Variants in THAP3 observed in about 807,000 individuals in gnomAD.
THAP3 encodes THAP domain-containing protein 3.
A neutral mutation model predicts 17.7 loss-of-function variants in THAP3; 12 were observed. The ratio of observed to expected loss-of-function variants is 0.68; its 90% CI spans 0.43 to 1.10. THAP3 has a LOEUF of 1.10. Among genes scored for constraint, THAP3 ranks in the 50% least tolerant of loss-of-function variants. THAP3 has a pLI of 0.00. For synonymous variants in THAP3, 133 were observed against 126.9 expected, an observed-to-expected ratio of 1.05 and a Z score of -0.32; for missense variants, 289 against 318.0, an observed-to-expected ratio of 0.91 and a Z score of 0.69.
At chr1:6,634,665 C>T (rs1162997801), downstream of THAP3, 1 of 1,366,422 alleles carries the variant, frequency 7.3e-7, no homozygotes, top group Non-Finnish European at 9.8e-7. Flanking sequence ...CCTAGCTCCG[C>T]TGCATTCTGC....
At chr1:6,633,574 C>CCAT (rs918820087), downstream of THAP3, 53 of 1,050,120 alleles carry the variant, frequency 5.0e-5, no homozygotes, top group South Asian at 2.7e-4. Context: ...GGTGTCGCTC[C>CCAT]CATCATCATT....
rs1162469893 is a variant in THAP3, at chr1:6,624,919, C to A, written c.-105C>A. 5 of 437,350 alleles carry A rather than the reference C, an allele frequency of 1.1e-5. No homozygotes were observed. The highest frequency in any genetic ancestry group is 1.6e-5 in the Non-Finnish European group (4 of 242,822). 27.1% of individuals were successfully genotyped at this position (437,350 alleles called of 1,614,324 possible). A position where few individuals can be genotyped will look rare whatever the true frequency, so the allele number is the denominator to read the frequency against. ...ATGCGTCCTGGTTGGGTGCTCAAAG[C>A]AAGGAGGTGAAAGGCGACCAGCATT... On this transcript the variant is annotated 5_prime_UTR_variant, in exon 1 of 6. Transcript: ENST00000054650.
chr1:6,634,173 T>C, downstream of THAP3: 3 of 1,312,774 alleles, frequency 2.3e-6, no homozygotes, highest in Non-Finnish European at 2.2e-6. Context: ...CAGCCTCTGC[T>C]TTCAGGAAAG....
chr1:6,629,445 C>T (rs1374009885), intron 3 of THAP3, among the ~76,000 whole-genome samples: 4 of 152,222 alleles, frequency 2.6e-5, no homozygotes, highest in Admixed American at 2.6e-4. Flanking sequence ...CTGTCCTCCC[C>T]AGCACCCTTC....
chr1:6,634,148 T>C, downstream of THAP3: 1 of 1,441,014 alleles, frequency 6.9e-7, no homozygotes, highest in Non-Finnish European at 9.7e-7. Context: ...GAACACACAA[T>C]ACACGGAAGA....
At chr1:6,625,432 A>T in intron 2 of THAP3, 140 bp downstream of exon 2, 1 of 563,412 alleles carries the variant, frequency 1.8e-6, no homozygotes, top group Admixed American at 5.3e-5. Flanking sequence ...CTGGGCCCAG[A>T]GGGGCTGGCG....
rs527839453 is a variant in THAP3, at chr1:6,632,839, C to T, written c.482C>T (p.Pro161Leu). The T allele has an allele frequency of 5.3e-5, 85 of 1,612,938 alleles. 1 individual carries two copies. Among genetic ancestry groups the T allele is most frequent in the South Asian group, 1.2e-4 (11 of 91,086 alleles). ...RPQATEAVGRPTGPAGLRRTP... is the reference protein window; with the variant it reads ...RPQATEAVGRLTGPAGLRRTP... ...CAAGCAACAGAGGCTGTTGGCCGGC[C>T]GACTGGCCCTGCAGGCCTGAGAAGG... The change falls in exon 6 of 6, where the codon CCG (proline) becomes CTG (leucine). Residue 161 changes from proline to leucine, a missense_variant. By Grantham distance (98) the Pro-to-Leu change is moderately conservative (BLOSUM62 -3). Transcript: ENST00000054650.
Position 6,632,971 on chromosome 1 carries a change from G to T in THAP3, c.614G>T (p.Arg205Leu), listed in dbSNP as rs753824698. The T allele has an allele frequency of 6.2e-7, 1 of 1,612,936 alleles. No homozygotes were observed. The highest frequency in any genetic ancestry group is 8.5e-7 in the Non-Finnish European group (1 of 1,179,894). The change falls in exon 6 of 6, where the codon CGC becomes CTC. Residue 205 changes from arginine to leucine, a missense_variant. Transcript: ENST00000054650. ...AAGGAAAATGAAAAGCTCCGGAAGC[G>T]CTTGCAGGCCCAGAGGCTGGTGATG... ...TLKENEKLRK[R>L]LQAQRLVMRR...
At chr1:6,635,574 T>C (rs1213052907), downstream of THAP3, 4 of 1,240,156 alleles carry the variant, frequency 3.2e-6, no homozygotes, top group Admixed American at 4.5e-5. Flanking sequence ...AATAATAATA[T>C]AAAATAAAAA....
Position 6,624,930 on chromosome 1 carries a change from A to G in THAP3, c.-94A>G, listed in dbSNP as rs1244205553. 2 of 464,618 alleles carry G rather than the reference A, an allele frequency of 4.3e-6. No individual in the cohort carries two copies. Among genetic ancestry groups the G allele is most frequent in the Non-Finnish European group, 3.8e-6 (1 of 259,828 alleles). The allele number at this position is 464,618 out of a possible 1,614,324, so 28.8% of individuals were successfully genotyped here. ...TTGGGTGCTCAAAGCAAGGAGGTGA[A>G]AGGCGACCAGCATTGGCGAATGGGG... is the stretch of plus-strand genomic sequence containing the variant. On this transcript the variant is annotated 5_prime_UTR_variant, in exon 1 of 6. Transcript: ENST00000054650.
At position 6,624,889 on chromosome 1, in the gene THAP3, T is replaced by G. The variant is rs1641416234; in HGVS notation, c.-135T>G. 5.5e-6 allele frequency: 2 copies of G among 365,196 alleles called. No individual in the cohort carries two copies. Among genetic ancestry groups the G allele is most frequent in the South Asian group, 2.8e-5 (1 of 35,416 alleles). The allele number at this position is 365,196 out of a possible 1,614,324, so 22.6% of individuals were successfully genotyped here. A position where few individuals can be genotyped will look rare whatever the true frequency, so the allele number is the denominator to read the frequency against. ...GTTTCCAGTTGTCCAAGCCTGTGAG[T>G]GGCTATGCGTCCTGGTTGGGTGCTC... is the stretch of plus-strand genomic sequence containing the variant. On this transcript the variant is annotated 5_prime_UTR_variant, in exon 1 of 6. Transcript: ENST00000054650.
At chr1:6,627,518 C>T (rs1455271751) in intron 2 of THAP3, among the ~76,000 whole-genome samples, 5 of 152,148 alleles carry the variant, frequency 3.3e-5, no homozygotes, top group Admixed American at 1.3e-4. Context: ...GAGTGCGCCA[C>T]CACGCTGGGC....
At chr1:6,632,291 G>A in intron 4 of THAP3, 100 bp from the exon 5 acceptor site, 2 of 1,519,278 alleles carry the variant, frequency 1.3e-6, no homozygotes, top group Non-Finnish European at 9.0e-7. Flanking sequence ...CCTGGAGCTG[G>A]TCCCTGGCTG....
chr1:6,628,475 C>T, intron 2 of THAP3, 24 bp from the exon 3 acceptor site: 8 of 1,588,086 alleles, frequency 5.0e-6, no homozygotes, highest in Non-Finnish European at 6.8e-6. Context: ...TGCTGGGCCT[C>T]ACACCCCGTG....
At chr1:6,634,005 C>T (rs778930893), downstream of THAP3, 159 of 1,611,218 alleles carry the variant, frequency 9.9e-5, no homozygotes, top group Non-Finnish European at 1.3e-4. Flanking sequence ...AACTTGGGGT[C>T]TATTTATTTC....
rs1570252990 is a variant in THAP3 at position 6,633,523 on chromosome 1, C to G, written c.*446C>G. ...TTCTAAGGAGTGACTCCTGTCCCGG[C>G]CTGGTGTGAGTGGGCAGTGTAATAA... On this transcript the variant is annotated 3_prime_UTR_variant, in exon 6 of 6. Transcript: ENST00000054650. 3.6e-6 allele frequency: 4 copies of G among 1,098,538 alleles called. No homozygotes were observed. The South Asian group carries it at 8.0e-5, about 22-fold the overall frequency. 68.0% of individuals were successfully genotyped at this position (1,098,538 alleles called of 1,614,324 possible).
At chr1:6,631,126 T>TC (rs1056463163) in intron 4 of THAP3, among the ~76,000 whole-genome samples, 10 of 151,532 alleles carry the variant, frequency 6.6e-5, no homozygotes, top group African/African-American at 2.4e-4. Context: ...CACCTGAGCC[T>TC]CCCAAGTGGC....
intron 2 of THAP3, among the ~76,000 whole-genome samples, chr1:6,626,638 G>A (rs1641476789): frequency 6.6e-6 from 1 of 152,222 alleles, no homozygotes; most frequent in South Asian, 2.1e-4. Flanking sequence ...AGGAGTTGGA[G>A]ACCAGCCTGA....
chr1:6,635,343 A>C, downstream of THAP3: 1 of 257,030 alleles, frequency 3.9e-6, no homozygotes, highest in Non-Finnish European at 7.5e-6. Flanking sequence ...GACCCAGCCA[A>C]GAACTACAGG....
Sources: gnomAD v4.1 joint callset for allele counts (sites outside exome capture counted in the v4.1 genomes callset) on GRCh38, gnomAD v4.1.1 for gene constraint, MANE v1.5 for transcripts, NCBI Gene and HGNC (gene_info 2026-07-23, HGNC 2026-07-21) for gene names.